The following DNAH8 variants were observed in gnomAD, a reference collection of about 807,000 sequenced individuals.
DNAH8 encodes dynein axonemal heavy chain 8, also known as axonemal beta dynein heavy chain 8.
Under a neutral mutation model 562.1 loss-of-function variants are expected in DNAH8, and 382 were observed. The ratio of observed to expected loss-of-function variants is 0.68; its 90% confidence interval spans 0.63 to 0.74. DNAH8 has a LOEUF of 0.74. Among genes scored for constraint, DNAH8 ranks in the 30% least tolerant of loss-of-function variants. The pLI, the probability that DNAH8 is intolerant of heterozygous loss-of-function variation, is 0.00. For synonymous variants in DNAH8, 1,881 were observed against 1,919.4 expected (o/e 0.98, Z 0.52); for missense variants, 5,203 against 5,620.4 (o/e 0.93, Z 2.37).
At chr6:38,936,154 G>A (rs905188336) in intron 77 of DNAH8, 6 of 152,240 alleles carry the variant, frequency 3.9e-5, no homozygotes, top group African/African-American at 1.5e-4. Context: ...TTTGAGAACA[G>A]CCTGGCCAAC....
chr6:39,024,443 A>T (rs1767138763), intron 91 of DNAH8, among the ~76,000 whole-genome samples: 1 of 152,134 alleles, frequency 6.6e-6, no homozygotes, highest in Non-Finnish European at 1.5e-5. Context: ...CTTAGAATGG[A>T]GAATTGGGTT....
chr6:38,749,687 A>G (rs1765259677), intron 8 of DNAH8, among the ~76,000 whole-genome samples: 1 of 152,230 alleles, frequency 6.6e-6, no homozygotes, highest in Non-Finnish European at 1.5e-5. Flanking sequence ...ATGCAAAACT[A>G]TACAGATGAG....
intron 67 of DNAH8, among the ~76,000 whole-genome samples, chr6:38,914,536 G>A (rs141855818): frequency 6.6e-6 from 1 of 150,958 alleles, no homozygotes; most frequent in Non-Finnish European, 1.5e-5. Flanking sequence ...ATTTTTAGTA[G>A]AGACGGGGTT....
intron 26 of DNAH8, among the ~76,000 whole-genome samples, chr6:38,817,133 A>C (rs1629877): frequency 0.49 from 75,108 of 152,058 alleles, 19,540 homozygotes; most frequent in East Asian, 0.69. Context: ...ATCTTAGGTC[A>C]GGAGTTTGAT....
intron 7 of DNAH8, among the ~76,000 whole-genome samples, chr6:38,740,548 C>T (rs191989174): frequency 6.6e-6 from 1 of 152,088 alleles, no homozygotes; most frequent in African/African-American, 2.4e-5. Flanking sequence ...ATGTATAGAT[C>T]TAGCAACTTT....
chr6:38,816,549 C>T (rs997275616), intron 26 of DNAH8, among the ~76,000 whole-genome samples: 2 of 151,588 alleles, frequency 1.3e-5, no homozygotes, highest in South Asian at 2.1e-4. Flanking sequence ...TGAACATAGG[C>T]GTGCATGTAT....
At chr6:38,738,843 C>T (rs1764310642) in intron 7 of DNAH8, among the ~76,000 whole-genome samples, 1 of 152,146 alleles carries the variant, frequency 6.6e-6, no homozygotes, top group Non-Finnish European at 1.5e-5. Flanking sequence ...TGGGTAATTG[C>T]CCACTGGATA....
Position 38,717,166 on chromosome 6 carries a change from C to T in DNAH8, c.-35+1751C>T, listed in dbSNP as rs1762403737. 2.0e-5 allele frequency among the ~76,000 whole-genome samples: 3 copies of T among 152,224 alleles called. No individual in the cohort carries two copies. In the East Asian group the frequency reaches 5.8e-4, roughly 29 times the overall value. On this transcript the variant is annotated intron_variant, in intron 1 of 92. Coordinates refer to ENST00000327475, the MANE Select transcript of DNAH8 (RefSeq NM_001206927.2). Reference sequence around the variant, plus strand: ...GGTGAGGACTGCAATGAGCTGTGCTCACATGACTGTACTCCAGCCTGCACA... The same window carrying T: ...GGTGAGGACTGCAATGAGCTGTGCTTACATGACTGTACTCCAGCCTGCACA...
chr6:38,815,352 G>A, intron 25 of DNAH8, 116 bp from the exon 26 acceptor site: 1 of 719,382 alleles, frequency 1.4e-6, no homozygotes, highest in Non-Finnish European at 2.3e-6. Context: ...CCTCAAATCA[G>A]CCTTGCACTG....
chr6:38,917,003 T>C (rs1781356477), intron 68 of DNAH8, among the ~76,000 whole-genome samples: 1 of 152,170 alleles, frequency 6.6e-6, no homozygotes, highest in African/African-American at 2.4e-5. Context: ...ATGATGGCAA[T>C]GCCTGTTAGT....
At chr6:38,803,421 C>A in intron 22 of DNAH8, 110 bp downstream of exon 22, 2 of 730,454 alleles carry the variant, frequency 2.7e-6, no homozygotes, top group Non-Finnish European at 4.5e-6. Flanking sequence ...TCCCCAGAAG[C>A]AAAGAAGGTG....
intron 62 of DNAH8, among the ~76,000 whole-genome samples, chr6:38,903,028 T>C (rs1051857048): frequency 3.3e-5 from 5 of 152,220 alleles, no homozygotes; most frequent in African/African-American, 1.2e-4. Flanking sequence ...TACACAAATA[T>C]GGACCATTGC....
At chr6:38,937,487 C>T (rs1451435108) in intron 77 of DNAH8, among the ~76,000 whole-genome samples, 1 of 152,116 alleles carries the variant, frequency 6.6e-6, no homozygotes, top group Admixed American at 6.5e-5. Flanking sequence ...AACGACTGTT[C>T]TACTAAAGCA....
chr6:38,839,055 A>G (rs566742996), intron 33 of DNAH8, among the ~76,000 whole-genome samples: 3 of 152,264 alleles, frequency 2.0e-5, no homozygotes, highest in South Asian at 4.2e-4. Flanking sequence ...TCTTTCTAAA[A>G]CAGTCATTCT....
chr6:38,749,505 C>T (rs1765241554), intron 8 of DNAH8, among the ~76,000 whole-genome samples: 1 of 148,092 alleles, frequency 6.8e-6, no homozygotes, highest in Non-Finnish European at 1.5e-5. Context: ...CAAACCTACG[C>T]ATTCTTCACT....
chr6:38,920,779 A>G (rs904419351), intron 70 of DNAH8, among the ~76,000 whole-genome samples: 1 of 152,222 alleles, frequency 6.6e-6, no homozygotes. Context: ...AATGCCAATT[A>G]CCTACTTCCT....
At chr6:38,882,463 G>A (rs1366413196) in intron 53 of DNAH8, among the ~76,000 whole-genome samples, 2 of 152,126 alleles carry the variant, frequency 1.3e-5, no homozygotes, top group African/African-American at 2.4e-5. Flanking sequence ...CTCAGGAATA[G>A]AAAATCAAAT....
intron 17 of DNAH8, among the ~76,000 whole-genome samples, chr6:38,786,521 A>G (rs2127648435): frequency 6.6e-6 from 1 of 152,342 alleles, no homozygotes; most frequent in South Asian, 2.1e-4. Context: ...ACAAAGCACC[A>G]TTCTTGGTCA....
intron 12 of DNAH8, among the ~76,000 whole-genome samples, chr6:38,772,029 CTTTTT>C (rs34980133): frequency 7.6e-6 from 1 of 131,908 alleles, no homozygotes. Context: ...TTTATGATTT[CTTTTT>C]TTTTTTTTTT....
Sources: gnomAD v4.1 joint callset for allele counts (sites outside exome capture counted in the v4.1 genomes callset) on GRCh38, gnomAD v4.1.1 for gene constraint, MANE v1.5 for transcripts, NCBI Gene and HGNC (gene_info 2026-07-23, HGNC 2026-07-21) for gene names.